Variants in ETAA1 observed in about 807,000 individuals in gnomAD.
ETAA1 encodes ETAA1 activator of ATR kinase.
ETAA1 carries 49 observed loss-of-function variants against 76.8 expected under a neutral mutation model. The observed-to-expected ratio is 0.64, with a 90% CI of 0.51 to 0.81. The LOEUF (loss-of-function observed/expected upper bound fraction) is 0.81, where lower values mean the gene tolerates loss of function less well. Among genes scored for constraint, ETAA1 ranks in the 30% least tolerant of loss-of-function variants. The pLI is 0.00. For synonymous variants in ETAA1, 373 were observed against 372.2 expected (o/e 1.00, Z -0.03); for missense variants, 1,099 against 1,074.0 (o/e 1.02, Z -0.32).
At chr2:67,405,472 A>C in intron 5 of ETAA1, 137 bp downstream of exon 5, 1 of 610,352 alleles carries the variant, frequency 1.6e-6, no homozygotes, top group South Asian at 3.2e-5. Context: ...AATTAACTAG[A>C]ATTCTTAAAA....
In ETAA1 at chr2:67,404,870, T is replaced by C. The variant is rs1349853631; in HGVS notation, c.2188T>C (p.Phe730Leu). Reference sequence around the variant, plus strand: ...GGAAATGTATGGAAATTCTCCAAGATTTTTAGGTGCCACAAATTTGACTAT... The same window carrying C: ...GGAAATGTATGGAAATTCTCCAAGACTTTTAGGTGCCACAAATTTGACTAT... ...KGEMYGNSPR[F>L]LGATNLTMYS... The change falls in exon 5 of 6, where the codon TTT becomes CTT. Residue 730 changes from phenylalanine to leucine, a missense_variant. Around this residue, in one of 3 missense-constraint regions of ETAA1, gnomAD observed 302 missense variants for 278.1 expected, o/e 1.09. Coordinates refer to ENST00000272342, the MANE Select transcript of ETAA1 (RefSeq NM_019002.4). 2 of 1,612,922 alleles carry C rather than the reference T, an allele frequency of 1.2e-6. No homozygotes were observed. The highest frequency in any genetic ancestry group is 2.2e-5 in the East Asian group (1 of 44,822).
rs532275210 is a variant in ETAA1 at position 67,399,193 on chromosome 2, C to G, written c.248C>G (p.Ala83Gly). Residue 83 changes from alanine (A) to glycine (G), a missense_variant, in exon 2 of 6, where the codon GCG becomes GGG. Ala to Gly is a moderately conservative substitution (Grantham distance 60). Around this residue, in one of 3 missense-constraint regions of ETAA1, gnomAD observed 761 missense variants for 731.9 expected, o/e 1.04. Transcript: ENST00000272342. ...PEERYETPKR[A>G]LKMDSLSSSF... ...GAAAGGTATGAAACACCAAAGAGAG[C>G]GCTGAAAATGGACTCACTGTCATCT... The G allele has an allele frequency of 2.5e-6, 4 of 1,612,520 alleles. No homozygotes were observed. Among genetic ancestry groups the G allele is most frequent in the African/African-American group, 2.7e-5 (2 of 74,956 alleles).
At chr2:67,399,049 T>TG in intron 1 of ETAA1, 120 bp from the exon 2 acceptor site, 1 of 923,474 alleles carries the variant, frequency 1.1e-6, no homozygotes, top group Non-Finnish European at 1.6e-6. Flanking sequence ...TAATTATCTC[T>TG]GGGAAAAAAA....
At chr2:67,400,184 G>C (rs1232099398) in intron 3 of ETAA1, among the ~76,000 whole-genome samples, 1 of 152,136 alleles carries the variant, frequency 6.6e-6, no homozygotes, top group Non-Finnish European at 1.5e-5. Context: ...CCATGAACTA[G>C]AATTATTGTG....
chr2:67,404,085 A>G lies in ETAA1; in HGVS notation c.1403A>G (p.Asn468Ser). ...GAATATAGATTTTCACCAAATTCAA[A>G]TAAATCAAACAAATTATCCACTGGA... is the stretch of plus-strand genomic sequence containing the variant. ...DAEYRFSPNS[N>S]KSNKLSTGNK... is the part of the protein sequence containing the mutation. Residue 468 changes from asparagine to serine, a missense_variant, in exon 5 of 6, where the codon AAT becomes AGT. Physicochemically the swap from Asn to Ser is conservative, Grantham distance 46 (BLOSUM62 1). Around this residue, in one of 3 missense-constraint regions of ETAA1, gnomAD observed 761 missense variants for 731.9 expected, o/e 1.04. Transcript: ENST00000272342. 6.3e-7 allele frequency: 1 copy of G among 1,596,980 alleles called. No individual in the cohort carries two copies. Among genetic ancestry groups the G allele is most frequent in the Non-Finnish European group, 8.5e-7 (1 of 1,173,944 alleles).
chr2:67,406,970 A>G (rs1273812467), intron 5 of ETAA1, among the ~76,000 whole-genome samples: 1 of 152,108 alleles, frequency 6.6e-6, no homozygotes, highest in African/African-American at 2.4e-5. Context: ...ATTACAAACA[A>G]TACTCCAGTA....
At position 67,397,413 on chromosome 2, in the gene ETAA1, A is replaced by G. The variant is rs748727308; in HGVS notation, c.-36A>G. 8.3e-6 allele frequency: 13 copies of G among 1,558,414 alleles called. No individual in the cohort carries two copies. In the Admixed American group the frequency reaches 2.5e-4, roughly 30 times the overall value. ...CCTACTCATCCCTTTGCAAAATGTGAAAGAAGAAGCGGCTGGTGGAGGCGG... is the reference window on the plus strand; with the variant it reads ...CCTACTCATCCCTTTGCAAAATGTGGAAGAAGAAGCGGCTGGTGGAGGCGG... On this transcript the variant is annotated 5_prime_UTR_variant, in exon 1 of 6. An upstream open reading frame in the 5' UTR loses its in-frame stop. Transcript: ENST00000272342.
In ETAA1 at chr2:67,404,786, G is replaced by A. The variant is rs1259523102; in HGVS notation, c.2104G>A (p.Val702Met). 6.2e-7 allele frequency: 1 copy of A among 1,613,424 alleles called. No individual in the cohort carries two copies. Among genetic ancestry groups the A allele is most frequent in the African/African-American group, 1.3e-5 (1 of 75,036 alleles). Residue 702 changes from valine to methionine, a missense_variant, in exon 5 of 6, where the codon GTG becomes ATG. Val to Met is a conservative substitution (Grantham distance 21, BLOSUM62 1). Around this residue, in one of 3 missense-constraint regions of ETAA1, gnomAD observed 302 missense variants for 278.1 expected, o/e 1.09. Transcript: ENST00000272342. ...GCATTTGAATCCAGGCAGCATTTCAGTGCAGACATCTTTGACAAATAGCTC... is the reference window on the plus strand; with the variant it reads ...GCATTTGAATCCAGGCAGCATTTCAATGCAGACATCTTTGACAAATAGCTC... ...SKHLNPGSIS[V>M]QTSLTNSSQI... is the part of the protein sequence containing the mutation.
chr2:67,406,932 A>G (rs191961794), intron 5 of ETAA1, among the ~76,000 whole-genome samples: 218 of 152,138 alleles, frequency 1.4e-3, no homozygotes, highest in African/African-American at 4.9e-3. Flanking sequence ...TCTGTGATGG[A>G]AGTTTGGGTT....
chr2:67,397,747 G>A (rs1465486651), intron 1 of ETAA1, 76 bp downstream of exon 1: 11 of 1,392,762 alleles, frequency 7.9e-6, no homozygotes, highest in Admixed American at 2.0e-5. Flanking sequence ...AGGGAAATCT[G>A]GGGTGGGGGT....
chr2:67,399,940 A>G (rs1272026466), intron 3 of ETAA1, among the ~76,000 whole-genome samples: 1 of 152,206 alleles, frequency 6.6e-6, no homozygotes, highest in African/African-American at 2.4e-5. Flanking sequence ...AGTTGCTAAA[A>G]TAATAGAATA....
intron 3 of ETAA1, among the ~76,000 whole-genome samples, chr2:67,399,832 A>G (rs559101048): frequency 4.5e-4 from 68 of 152,310 alleles, no homozygotes; most frequent in African/African-American, 1.6e-3. Context: ...ATATTTTCTT[A>G]AGTATATATC....
chr2:67,397,409 T>C lies in ETAA1; in HGVS notation c.-40T>C. ...TTGCCCTACTCATCCCTTTGCAAAA[T>C]GTGAAAGAAGAAGCGGCTGGTGGAG... On this transcript the variant is annotated 5_prime_UTR_variant, in exon 1 of 6. It removes an upstream start codon present in the reference 5' UTR. Coordinates refer to ENST00000272342, the MANE Select transcript of ETAA1 (RefSeq NM_019002.4). 1.3e-6 allele frequency: 2 copies of C among 1,553,712 alleles called. No individual in the cohort carries two copies. The highest frequency in any genetic ancestry group is 2.4e-5 in the East Asian group (1 of 41,752).
chr2:67,402,813 G>C (rs1297845023), intron 3 of ETAA1, 49 bp from the exon 4 acceptor site: 1 of 1,163,424 alleles, frequency 8.6e-7, no homozygotes, highest in Admixed American at 2.8e-5. Context: ...GGAAGACGGG[G>C]GATGCTACAC....
At chr2:67,400,341 C>T (rs1572906801) in intron 3 of ETAA1, 1 of 152,052 alleles carries the variant, frequency 6.6e-6, no homozygotes, top group Non-Finnish European at 1.5e-5. Flanking sequence ...TTTTCTTGGA[C>T]AGGCATGGTG....
In ETAA1 at chr2:67,405,195, A is replaced by C; in HGVS notation, c.2513A>C (p.Asn838Thr). The change falls in exon 5 of 6, where the codon AAT (asparagine) becomes ACT (threonine). Residue 838 changes from asparagine (N) to threonine (T), a missense_variant. By Grantham distance (65) the Asn-to-Thr change is moderately conservative. Around this residue, in one of 3 missense-constraint regions of ETAA1, gnomAD observed 302 missense variants for 278.1 expected, o/e 1.09. Transcript: ENST00000272342. ...CAGATTCTTTCTCAGTTTAATCAAA[A>C]TTGTATAACTGGAAGTATGTCTGAT... The part of the protein sequence containing the change: ...NSQILSQFNQ[N>T]CITGSMSDTK... The C allele has an allele frequency of 1.2e-6, 2 of 1,612,654 alleles. No individual in the cohort carries two copies.
chr2:67,405,197 T>G lies in ETAA1; in HGVS notation c.2515T>G (p.Cys839Gly), dbSNP rs747917233. ...SQILSQFNQN[C>G]ITGSMSDTKI... ...GATTCTTTCTCAGTTTAATCAAAAT[T>G]GTATAACTGGAAGTATGTCTGATAC... Residue 839 changes from cysteine (C) to glycine (G), a missense_variant, in exon 5 of 6, where the codon TGT becomes GGT. By Grantham distance (159) the Cys-to-Gly change is radical. Coordinates refer to ENST00000272342, the MANE Select transcript of ETAA1 (RefSeq NM_019002.4). The G allele has an allele frequency of 6.2e-7, 1 of 1,612,504 alleles. No homozygotes were observed. Among genetic ancestry groups the G allele is most frequent in the African/African-American group, 1.3e-5 (1 of 74,828 alleles).
Position 67,411,716 on chromosome 2 carries a change from T to C in ETAA1, c.*1678T>C, listed in dbSNP as rs1361076992. On this transcript the variant is annotated 3_prime_UTR_variant, in exon 6 of 6. Transcript: ENST00000272342. ...CTGTACATCAAAAATGGTATTTTCATATCTACAGTGGAGTACTGGAGTTTA... is the reference window on the plus strand; with the variant it reads ...CTGTACATCAAAAATGGTATTTTCACATCTACAGTGGAGTACTGGAGTTTA... The C allele has an allele frequency of 3.3e-5, 5 of 152,118 alleles. No homozygotes were observed. Among genetic ancestry groups the C allele is most frequent in the Non-Finnish European group, 5.9e-5 (4 of 68,000 alleles). 9.4% of individuals were successfully genotyped at this position (152,118 alleles called of 1,614,324 possible).
At chr2:67,402,183 G>T (rs994511248) in intron 3 of ETAA1, 10 of 151,808 alleles carry the variant, frequency 6.6e-5, no homozygotes, top group Non-Finnish European at 1.3e-4. Flanking sequence ...GTGACTGAAA[G>T]GTACAGCAAA....
Sources: allele counts gnomAD v4.1 joint callset (sites outside exome capture counted in the v4.1 genomes callset), GRCh38; gene constraint gnomAD v4.1.1; regional missense constraint gnomAD v4.1.1; transcripts MANE v1.5; gene names NCBI Gene and HGNC (gene_info 2026-07-23, HGNC 2026-07-21).